The following CTNND2 variants were observed in gnomAD, a reference collection of about 807,000 sequenced individuals.
CTNND2 encodes catenin delta-2.
CTNND2 carries 22 observed loss-of-function variants against 144.4 expected under a neutral mutation model. That is an observed-to-expected ratio of 0.15 (90% CI 0.11 to 0.22). The LOEUF (loss-of-function observed/expected upper bound fraction) is 0.22, where lower values mean the gene tolerates loss of function less well. Among genes scored for constraint, CTNND2 ranks in the 10% least tolerant of loss-of-function variants. The pLI is 1.00. For synonymous variants in CTNND2, 751 were observed against 695.6 expected, an observed-to-expected ratio of 1.08 and a Z score of -1.25; for missense variants, 1,353 against 1,618.8, an observed-to-expected ratio of 0.84 and a Z score of 2.82.
chr5:11,865,187 G>A (rs553849603), intron 1 of CTNND2, among the ~76,000 whole-genome samples: 2 of 152,274 alleles, frequency 1.3e-5, no homozygotes, highest in South Asian at 4.1e-4. Context: ...GAGCCACCGT[G>A]CCAGCCTGTT....
chr5:11,400,069 A>C (rs1208646709), intron 5 of CTNND2, among the ~76,000 whole-genome samples: 1 of 152,188 alleles, frequency 6.6e-6, no homozygotes, highest in Non-Finnish European at 1.5e-5. Flanking sequence ...GAAAATACAA[A>C]TTTGCCAAGG....
intron 1 of CTNND2, among the ~76,000 whole-genome samples, chr5:11,820,822 C>T (rs571805760): frequency 1.2e-4 from 18 of 152,282 alleles, no homozygotes; most frequent in African/African-American, 3.6e-4. Context: ...GTGCTTGTGT[C>T]TGCACTTGAA....
At chr5:11,623,355 T>A (rs1035769908) in intron 2 of CTNND2, among the ~76,000 whole-genome samples, 2 of 152,090 alleles carry the variant, frequency 1.3e-5, no homozygotes, top group Non-Finnish European at 2.9e-5. Flanking sequence ...ACTGTTCTCA[T>A]GGCAGTGACT....
At chr5:11,190,166 T>A (rs991195956) in intron 11 of CTNND2, among the ~76,000 whole-genome samples, 1 of 152,234 alleles carries the variant, frequency 6.6e-6, no homozygotes, top group Admixed American at 6.5e-5. Context: ...TTAACAGCAA[T>A]GTACTGGGAA....
chr5:10,980,938 A>AT (rs1364955177), intron 21 of CTNND2, among the ~76,000 whole-genome samples: 1 of 152,134 alleles, frequency 6.6e-6, no homozygotes, highest in African/African-American at 2.4e-5. Flanking sequence ...GAAATACCTA[A>AT]TTTGGATGTC....
At chr5:11,707,104 A>T (rs536131625) in intron 2 of CTNND2, among the ~76,000 whole-genome samples, 73 of 151,990 alleles carry the variant, frequency 4.8e-4, no homozygotes, top group Non-Finnish European at 9.4e-4. Flanking sequence ...AAAAAAAGAA[A>T]GTGAAAATTA....
chr5:11,775,493 C>T (rs1344004849), intron 1 of CTNND2, among the ~76,000 whole-genome samples: 4 of 152,222 alleles, frequency 2.6e-5, no homozygotes, highest in African/African-American at 4.8e-5. Context: ...GCACTGTCCC[C>T]AACTCTCTTG....
intron 2 of CTNND2, among the ~76,000 whole-genome samples, chr5:11,649,986 C>A (rs1385777511): frequency 6.6e-6 from 1 of 152,080 alleles, no homozygotes; most frequent in Admixed American, 6.5e-5. Flanking sequence ...CAGTGAGTGA[C>A]AAAACTAGTA....
intron 17 of CTNND2, among the ~76,000 whole-genome samples, chr5:11,019,802 C>T (rs570069069): frequency 9.9e-5 from 15 of 152,226 alleles, no homozygotes; most frequent in African/African-American, 2.6e-4. Context: ...ATAGCTTTTC[C>T]GTCTTATGAC....
intron 18 of CTNND2, among the ~76,000 whole-genome samples, chr5:10,995,488 A>G (rs1739243798): frequency 6.6e-6 from 1 of 152,326 alleles, no homozygotes; most frequent in Non-Finnish European, 1.5e-5. Flanking sequence ...AGGTTGGTAA[A>G]TGTCTAACTC....
intron 1 of CTNND2, among the ~76,000 whole-genome samples, chr5:11,780,991 T>G (rs1790512853): frequency 6.6e-6 from 1 of 152,214 alleles, no homozygotes; most frequent in South Asian, 2.1e-4. Context: ...TCCTTCAAAT[T>G]TAAATGTTAC....
intron 2 of CTNND2, among the ~76,000 whole-genome samples, chr5:11,708,718 G>A (rs912203222): frequency 6.6e-6 from 1 of 152,110 alleles, no homozygotes; most frequent in Non-Finnish European, 1.5e-5. Flanking sequence ...AGGGCCATGA[G>A]CTCTGTTGCA....
chr5:11,731,522 T>G (rs1292600250), intron 2 of CTNND2, among the ~76,000 whole-genome samples: 1 of 152,214 alleles, frequency 6.6e-6, no homozygotes, highest in East Asian at 1.9e-4. Flanking sequence ...GCTCTCTTTA[T>G]TTACTACTTT....
chr5:11,700,395 A>C (rs1483764689), intron 2 of CTNND2, among the ~76,000 whole-genome samples: 1 of 152,180 alleles, frequency 6.6e-6, no homozygotes, highest in African/African-American at 2.4e-5. Context: ...ATCTCCAAAC[A>C]AACAAACAAA....
chr5:11,301,205 G>T (rs1052112770), intron 9 of CTNND2, among the ~76,000 whole-genome samples: 1 of 151,988 alleles, frequency 6.6e-6, no homozygotes, highest in African/African-American at 2.4e-5. Context: ...TTTTAGTAGA[G>T]ATAGGGTTTC....
At chr5:11,197,921 A>G (rs1737036879) in intron 11 of CTNND2, among the ~76,000 whole-genome samples, 1 of 152,230 alleles carries the variant, frequency 6.6e-6, no homozygotes, top group African/African-American at 2.4e-5. Context: ...GTCAAATCCA[A>G]TTCTTTTCAA....
rs1020394216 is a variant in CTNND2 at position 11,903,798 on chromosome 5, G to A, written c.37+19C>T. ...GAGGAGGCTGCGCCCGGCCCCGGCC[G>A]CCCAGCCCCGCAACTCACCCAAAGG... On this transcript the variant is annotated intron_variant, in intron 1 of 21. Transcript: ENST00000304623. This position sits in a 1 kb window ranked among gnomAD's most constrained non-coding sequence, Gnocchi z 5.4. 1.4e-6 allele frequency: 2 copies of A among 1,476,928 alleles called. No individual in the cohort carries two copies. Among genetic ancestry groups the A allele is most frequent in the Non-Finnish European group, 1.8e-6 (2 of 1,120,876 alleles). The allele number at this position is 1,476,928 out of a possible 1,614,324, so 91.5% of individuals were successfully genotyped here.
chr5:11,403,852 G>C (rs1028479643), intron 5 of CTNND2, among the ~76,000 whole-genome samples: 3 of 152,236 alleles, frequency 2.0e-5, no homozygotes, highest in Non-Finnish European at 4.4e-5. Context: ...TCTTTGATTT[G>C]TGACACATCA....
In CTNND2 at chr5:11,159,646, G is replaced by T; in HGVS notation, c.2089C>A (p.Pro697Thr). The T allele has an allele frequency of 6.2e-7, 1 of 1,613,680 alleles. No homozygotes were observed. Among genetic ancestry groups the T allele is most frequent in the South Asian group, 1.1e-5 (1 of 90,924 alleles). The change falls in exon 12 of 22, where the codon CCT (proline) becomes ACT (threonine). Residue 697 changes from proline (P) to threonine (T), a missense_variant. Coordinates refer to ENST00000304623, the MANE Select transcript of CTNND2 (RefSeq NM_001332.4). ...TGTATTTTCCGATCATCCTGAAGAGGCGAATTTTCCCAGCCTGAGTGGGGG... is the reference window on the plus strand; with the variant it reads ...TGTATTTTCCGATCATCCTGAAGAGTCGAATTTTCCCAGCCTGAGTGGGGG... ...IIPHSGWENS[P>T]LQDDRKIQLH...
Sources: gnomAD v4.1 joint callset for allele counts (sites outside exome capture counted in the v4.1 genomes callset) on GRCh38, gnomAD v4.1.1 for gene constraint, Gnocchi (gnomAD v3.1) non-coding constraint, MANE v1.5 for transcripts, NCBI Gene and HGNC (gene_info 2026-07-23, HGNC 2026-07-21) for gene names.